Variants in EFNA5 observed in about 807,000 individuals in gnomAD.
EFNA5 encodes the protein ephrin-A5.
In EFNA5, 5 loss-of-function variants were observed where a neutral mutation model predicts 22.9. That is an observed-to-expected ratio of 0.22 (90% CI 0.11 to 0.46). The LOEUF is 0.46. Among genes scored for constraint, EFNA5 ranks in the 20% least tolerant of loss-of-function variants. The pLI, the probability that EFNA5 is intolerant of heterozygous loss-of-function variation, is 0.99. For missense variants in EFNA5, 237 were observed against 293.3 expected, an observed-to-expected ratio of 0.81 and a Z score of 1.40; for synonymous variants, 113 against 112.2, an observed-to-expected ratio of 1.01 and a Z score of -0.04.
At chr5:107,572,812 G>T (rs927618656) in intron 1 of EFNA5, among the ~76,000 whole-genome samples, 11 of 151,834 alleles carry the variant, frequency 7.2e-5, no homozygotes, top group Non-Finnish European at 1.6e-4. Flanking sequence ...TGTCATTTTT[G>T]TTGCTGTTGG....
intron 1 of EFNA5, among the ~76,000 whole-genome samples, chr5:107,543,630 T>C (rs548501846): frequency 7.9e-5 from 12 of 152,298 alleles, no homozygotes; most frequent in Admixed American, 5.9e-4. Flanking sequence ...GAAGTTATCG[T>C]TTGGGAATAC....
chr5:107,490,700 A>C (rs986566609), intron 1 of EFNA5, among the ~76,000 whole-genome samples: 1 of 152,202 alleles, frequency 6.6e-6, no homozygotes. Flanking sequence ...GCATAGGTAA[A>C]GGACACTGAT....
chr5:107,393,115 A>G (rs1441008789), intron 2 of EFNA5, among the ~76,000 whole-genome samples: 2 of 152,268 alleles, frequency 1.3e-5, no homozygotes, highest in African/African-American at 4.8e-5. Flanking sequence ...AAATGTGAAC[A>G]TAAATCTTAA....
chr5:107,498,210 C>G (rs1007399023), intron 1 of EFNA5, among the ~76,000 whole-genome samples: 8 of 152,334 alleles, frequency 5.3e-5, no homozygotes, highest in Admixed American at 2.0e-4. Flanking sequence ...GCCAACAAGC[C>G]CGGCCTACAA....
intron 1 of EFNA5, among the ~76,000 whole-genome samples, chr5:107,457,088 A>G (rs905047949): frequency 6.6e-6 from 1 of 152,100 alleles, no homozygotes; most frequent in East Asian, 1.9e-4. Flanking sequence ...CAACCTACCA[A>G]TGAACAGCCT....
chr5:107,503,225 T>C (rs959440737), intron 1 of EFNA5, among the ~76,000 whole-genome samples: 24 of 152,132 alleles, frequency 1.6e-4, no homozygotes, highest in Non-Finnish European at 3.5e-4. Context: ...ATTGGTAAAA[T>C]TGTCACCAGT....
At chr5:107,516,174 TTGTGTGTGTGTGTGTG>T (rs59824895) in intron 1 of EFNA5, among the ~76,000 whole-genome samples, 2 of 139,512 alleles carry the variant, frequency 1.4e-5, no homozygotes, top group South Asian at 4.8e-4. Flanking sequence ...CTGGCTAGTT[TTGTGTGTGTGTGTGTG>T]TGTGTGTGTG....
At chr5:107,521,459 T>C (rs1747594016) in intron 1 of EFNA5, among the ~76,000 whole-genome samples, 1 of 29,556 alleles carries the variant, frequency 3.4e-5, no homozygotes, top group African/African-American at 9.8e-5. Context: ...CACCTGGCTA[T>C]ATATATATAT....
At chr5:107,606,474 T>C (rs1344072937) in intron 1 of EFNA5, among the ~76,000 whole-genome samples, 1 of 151,838 alleles carries the variant, frequency 6.6e-6, no homozygotes, top group Non-Finnish European at 1.5e-5. Flanking sequence ...TGTATTATTT[T>C]TAATTGCTTT....
In EFNA5 at chr5:107,464,961, TTC is replaced by T. The variant is rs567913375; in HGVS notation, c.126-37454_126-37453del. Among the ~76,000 whole-genome samples the T allele has an allele frequency of 2.6e-5, 4 of 152,216 alleles. No homozygotes were observed. The South Asian group carries it at 6.2e-4, about 24-fold the overall frequency. ...ATCTGTTTTTAATGCAAAACTCCTT[TTC>T]TCTCTCTCTTTTTTGTCCTTGAGAC... On this transcript the variant is annotated intron_variant, in intron 1 of 4. Coordinates refer to ENST00000333274, the MANE Select transcript of EFNA5 (RefSeq NM_001962.3).
chr5:107,464,962 T>C (rs1025340021), intron 1 of EFNA5, among the ~76,000 whole-genome samples: 4 of 152,084 alleles, frequency 2.6e-5, no homozygotes, highest in Non-Finnish European at 4.4e-5. Flanking sequence ...AAACTCCTTT[T>C]CTCTCTCTCT....
At chr5:107,609,396 C>T (rs569902232) in intron 1 of EFNA5, among the ~76,000 whole-genome samples, 1 of 152,242 alleles carries the variant, frequency 6.6e-6, no homozygotes, top group East Asian at 1.9e-4. Context: ...TCTGCCATGC[C>T]AGCCCTCCTC....
chr5:107,426,909 A>T, intron 2 of EFNA5: 2 of 285,382 alleles, frequency 7.0e-6, no homozygotes, highest in Non-Finnish European at 1.3e-5. Flanking sequence ...TTTTTTTTTC[A>T]GGAGTCTTTT....
intron 1 of EFNA5, among the ~76,000 whole-genome samples, chr5:107,455,879 A>AT (rs765094242): frequency 2.6e-5 from 4 of 152,298 alleles, no homozygotes; most frequent in Non-Finnish European, 4.4e-5. Context: ...TAGCATTAGC[A>AT]TATGTTGAGA....
At chr5:107,532,537 G>A (rs186887262) in intron 1 of EFNA5, among the ~76,000 whole-genome samples, 29 of 152,264 alleles carry the variant, frequency 1.9e-4, no homozygotes, top group African/African-American at 5.3e-4. Context: ...GACTTTATCC[G>A]GCCTCCACGG....
intron 2 of EFNA5, among the ~76,000 whole-genome samples, chr5:107,415,254 T>C (rs142089415): frequency 1.0e-3 from 156 of 152,290 alleles, no homozygotes; most frequent in African/African-American, 3.7e-3. Flanking sequence ...AGCAAGCACC[T>C]AGTCATAAAA....
At position 107,379,066 on chromosome 5, in the gene EFNA5, A is replaced by G. The variant is rs1747356125; in HGVS notation, c.*2189T>C. ...AATAGCTAAAGGAAAAAGGAATTGA[A>G]TGCCGTGAACTTTTGTTTTGGTGAA... On this transcript the variant is annotated 3_prime_UTR_variant, in exon 5 of 5. Transcript: ENST00000333274. 1 of 152,220 alleles carries G rather than the reference A, an allele frequency of 6.6e-6. No homozygotes were observed. Among genetic ancestry groups the G allele is most frequent in the African/African-American group, 2.4e-5 (1 of 41,446 alleles). The allele number at this position is 152,220 out of a possible 1,614,324, so 9.4% of individuals were successfully genotyped here.
intron 1 of EFNA5, among the ~76,000 whole-genome samples, chr5:107,453,375 T>G (rs867053257): frequency 2.0e-4 from 31 of 152,290 alleles, no homozygotes; most frequent in African/African-American, 7.2e-4. Flanking sequence ...CTGAAAAATA[T>G]AAAAATGTAT....
At chr5:107,670,419 C>A in intron 1 of EFNA5, 70 bp downstream of exon 1, 1 of 1,481,692 alleles carries the variant, frequency 6.7e-7, no homozygotes, top group Non-Finnish European at 8.9e-7. Flanking sequence ...CGCGCCGATC[C>A]CCGCCGCCGC....
Sources: gnomAD v4.1 joint callset for allele counts (sites outside exome capture counted in the v4.1 genomes callset) on GRCh38, gnomAD v4.1.1 for gene constraint, MANE v1.5 for transcripts, NCBI Gene and HGNC (gene_info 2026-07-23, HGNC 2026-07-21) for gene names.